The following UBE2R2 variants were observed in gnomAD, a reference collection of about 807,000 sequenced individuals.
UBE2R2 encodes ubiquitin conjugating enzyme E2 R2.
A neutral mutation model predicts 27.8 loss-of-function variants in UBE2R2; 1 was observed. The ratio of observed to expected loss-of-function variants is 0.04; its 90% CI spans 0.01 to 0.17. UBE2R2 has a LOEUF of 0.17. UBE2R2 is among the 10% of genes least tolerant of loss of function. UBE2R2 has a pLI of 1.00. For synonymous variants in UBE2R2, 106 were observed against 113.3 expected (o/e 0.94, Z 0.41); for missense variants, 100 against 291.0 (o/e 0.34, Z 4.78).
At chr9:33,843,136 C>T (rs1281548580) in intron 1 of UBE2R2, among the ~76,000 whole-genome samples, 2 of 150,912 alleles carry the variant, frequency 1.3e-5, no homozygotes, top group African/African-American at 4.9e-5. Context: ...CAACCTCCAC[C>T]TCCTGGGGGT....
chr9:33,876,511 C>A (rs1232003359), intron 1 of UBE2R2, among the ~76,000 whole-genome samples: 1 of 152,188 alleles, frequency 6.6e-6, no homozygotes, highest in East Asian at 1.9e-4. Context: ...ATTGTAAACT[C>A]CGCTGAAGGA....
At chr9:33,880,247 T>G (rs1366934515) in intron 1 of UBE2R2, among the ~76,000 whole-genome samples, 8 of 152,174 alleles carry the variant, frequency 5.3e-5, no homozygotes, top group African/African-American at 1.7e-4. Context: ...AGACCTACAT[T>G]TTTTCCAGTG....
intron 1 of UBE2R2, among the ~76,000 whole-genome samples, chr9:33,881,239 C>T (rs1480566053): frequency 6.6e-6 from 1 of 152,074 alleles, no homozygotes; most frequent in African/African-American, 2.4e-5. Flanking sequence ...ATAGCCACTC[C>T]AGCTTTATTA....
Position 33,817,720 on chromosome 9 carries a change from G to A in UBE2R2, c.-38G>A. On this transcript the variant is annotated 5_prime_UTR_variant, in exon 1 of 5. Coordinates refer to ENST00000263228, the MANE Select transcript of UBE2R2 (RefSeq NM_017811.4). ...GGCCCGGCCGGTGCGTGAGGACTGG[G>A]GCCCGGGCCCGGCGCCGCCGCCGCC... is the stretch of plus-strand genomic sequence containing the variant. 6.8e-7 allele frequency: 1 copy of A among 1,472,148 alleles called. No homozygotes were observed. Among genetic ancestry groups the A allele is most frequent in the Non-Finnish European group, 9.0e-7 (1 of 1,108,780 alleles). 91.2% of individuals were successfully genotyped at this position (1,472,148 alleles called of 1,614,324 possible).
chr9:33,915,749 C>T (rs573938898), intron 4 of UBE2R2, among the ~76,000 whole-genome samples: 40 of 152,078 alleles, frequency 2.6e-4, no homozygotes, highest in Non-Finnish European at 4.6e-4. Context: ...CATTTACGCT[C>T]ACATTCAAAT....
chr9:33,832,367 A>AT (rs1438350718), intron 1 of UBE2R2, among the ~76,000 whole-genome samples: 3 of 149,336 alleles, frequency 2.0e-5, no homozygotes, highest in Non-Finnish European at 3.0e-5. Flanking sequence ...CTTTAATCAA[A>AT]TTTTTTCGGC....
chr9:33,826,578 G>C (rs1439536796), intron 1 of UBE2R2, among the ~76,000 whole-genome samples: 3 of 152,030 alleles, frequency 2.0e-5, no homozygotes, highest in Non-Finnish European at 4.4e-5. Flanking sequence ...CGTGCCTGTA[G>C]TTCCAGCTAC....
At position 33,920,034 on chromosome 9, in the gene UBE2R2, TCTTTA is replaced by T. The variant is rs1235680179; in HGVS notation, c.*2801_*2805del. 1.3e-5 allele frequency: 2 copies of T among 152,480 alleles called. No individual in the cohort carries two copies. Among genetic ancestry groups the T allele is most frequent in the Non-Finnish European group, 2.9e-5 (2 of 68,052 alleles). The allele number at this position is 152,480 out of a possible 1,614,324, so 9.4% of individuals were successfully genotyped here. ...CTTTCCCTTACCCTGGCAAATTGCT[TCTTTA>T]CTTGCTGGTTTCCTTACGTTTGGGG... is the stretch of plus-strand genomic sequence containing the variant. On this transcript the variant is annotated 3_prime_UTR_variant, in exon 5 of 5. Coordinates refer to ENST00000263228, the MANE Select transcript of UBE2R2 (RefSeq NM_017811.4).
intron 1 of UBE2R2, among the ~76,000 whole-genome samples, chr9:33,876,689 G>T (rs543778303): frequency 6.6e-6 from 1 of 152,276 alleles, no homozygotes; most frequent in African/African-American, 2.4e-5. Context: ...GCCGAGGTGG[G>T]CGGATCACGA....
At chr9:33,825,173 G>A (rs2130716542) in intron 1 of UBE2R2, among the ~76,000 whole-genome samples, 1 of 151,778 alleles carries the variant, frequency 6.6e-6, no homozygotes, top group East Asian at 1.9e-4. Flanking sequence ...CGGCCAGGCG[G>A]TCGCCTGTAA....
rs921753013 is a variant in UBE2R2, at chr9:33,845,891, C to T, written c.177+27957C>T. ...GGCGCGGTGGCTCACGCCTGTAATTCCAGCACTTTGGGAGGCCGAGGTGGG... is the reference window on the plus strand; with the variant it reads ...GGCGCGGTGGCTCACGCCTGTAATTTCAGCACTTTGGGAGGCCGAGGTGGG... On this transcript the variant is annotated intron_variant, in intron 1 of 4. Transcript: ENST00000263228. Among the ~76,000 whole-genome samples, 3 of 151,900 alleles carry T rather than the reference C, an allele frequency of 2.0e-5. No homozygotes were observed. In the South Asian group the frequency reaches 6.2e-4, roughly 32 times the overall value.
chr9:33,846,644 T>C (rs1820853150), intron 1 of UBE2R2, among the ~76,000 whole-genome samples: 1 of 152,192 alleles, frequency 6.6e-6, no homozygotes, highest in Non-Finnish European at 1.5e-5. Context: ...TTGTAGTATA[T>C]CATGCAGCAG....
intron 1 of UBE2R2, among the ~76,000 whole-genome samples, chr9:33,852,938 G>A (rs907532632): frequency 2.0e-5 from 3 of 152,112 alleles, no homozygotes; most frequent in African/African-American, 7.2e-5. Flanking sequence ...AACCCAGGAG[G>A]CGGAGGTTGC....
chr9:33,894,556 C>G (rs1446759557), intron 2 of UBE2R2, among the ~76,000 whole-genome samples: 2 of 152,070 alleles, frequency 1.3e-5, no homozygotes, highest in Non-Finnish European at 2.9e-5. Flanking sequence ...ACATCCACCT[C>G]CCAAGTAGCT....
intron 1 of UBE2R2, among the ~76,000 whole-genome samples, chr9:33,876,388 GT>G (rs1821603342): frequency 6.6e-6 from 1 of 151,956 alleles, no homozygotes; most frequent in African/African-American, 2.4e-5. Context: ...AGTTAATAAG[GT>G]TCTGAAAAAT....
At chr9:33,873,615 G>A (rs1265893346) in intron 1 of UBE2R2, among the ~76,000 whole-genome samples, 2 of 152,024 alleles carry the variant, frequency 1.3e-5, no homozygotes, top group Non-Finnish European at 2.9e-5. Context: ...ACACAATTTC[G>A]AATGAAAAAT....
At position 33,836,766 on chromosome 9, in the gene UBE2R2, A is replaced by AT. The variant is rs1448681742; in HGVS notation, c.177+18832_177+18833insT. Among the ~76,000 whole-genome samples, 551 of 140,738 alleles carry AT rather than the reference A, an allele frequency of 3.9e-3. 6 individuals carry two copies. Among genetic ancestry groups the AT allele is most frequent in the African/African-American group, 8.4e-3 (296 of 35,056 alleles). 92.3% of individuals were successfully genotyped at this position (140,738 alleles called of 152,430 possible). ...AGCAAGACTCTTATCTCAAAAAAAA[A>AT]AAATATATATATATATATTCTTGAG... On this transcript the variant is annotated intron_variant, in intron 1 of 4. Transcript: ENST00000263228.
chr9:33,828,275 C>G (rs980648173), intron 1 of UBE2R2, among the ~76,000 whole-genome samples: 1 of 148,646 alleles, frequency 6.7e-6, no homozygotes, highest in Non-Finnish European at 1.5e-5. Context: ...GCACACCAGC[C>G]TGGGCAATAG....
chr9:33,886,535 G>GT (rs1483903848), intron 1 of UBE2R2, among the ~76,000 whole-genome samples: 1 of 151,602 alleles, frequency 6.6e-6, no homozygotes, highest in African/African-American at 2.4e-5. Context: ...TGCACCTGTA[G>GT]TCCCAGCTAC....
Sources: gnomAD v4.1 joint callset for allele counts (sites outside exome capture counted in the v4.1 genomes callset) on GRCh38, gnomAD v4.1.1 for gene constraint, MANE v1.5 for transcripts, NCBI Gene and HGNC (gene_info 2026-07-23, HGNC 2026-07-21) for gene names.